The following PIK3C2A variants were observed in gnomAD, a reference collection of about 807,000 sequenced individuals.
PIK3C2A encodes the protein phosphatidylinositol-4-phosphate 3-kinase catalytic subunit type 2 alpha.
PIK3C2A carries 97 observed loss-of-function variants against 204.5 expected under a neutral mutation model. The ratio of observed to expected loss-of-function variants is 0.47; its 90% CI spans 0.40 to 0.56. The LOEUF (loss-of-function observed/expected upper bound fraction) is 0.56, where lower values mean the gene tolerates loss of function less well. Ranked by LOEUF, PIK3C2A falls within the 20% of genes least tolerant of loss-of-function variation. The pLI, the probability that PIK3C2A is intolerant of heterozygous loss-of-function variation, is 0.00. For synonymous variants in PIK3C2A, 653 were observed against 664.4 expected, an observed-to-expected ratio of 0.98 and a Z score of 0.26; for missense variants, 1,735 against 1,969.2, an observed-to-expected ratio of 0.88 and a Z score of 2.25.
chr11:17,099,717 C>A, intron 26 of PIK3C2A, 143 bp downstream of exon 26: 1 of 469,688 alleles, frequency 2.1e-6, no homozygotes, highest in Non-Finnish European at 3.8e-6. Context: ...CAACTTTTGA[C>A]AGCCTACTAT....
chr11:17,135,271 C>T (rs1252718163), intron 9 of PIK3C2A, 112 bp from the exon 10 acceptor site: 1 of 951,708 alleles, frequency 1.1e-6, no homozygotes, highest in African/African-American at 1.6e-5. Context: ...CAAGTATCTA[C>T]AGAATTAATA....
intron 1 of PIK3C2A, among the ~76,000 whole-genome samples, chr11:17,205,625 T>C (rs1171978600): frequency 1.3e-5 from 2 of 152,314 alleles, no homozygotes; most frequent in South Asian, 2.1e-4. Flanking sequence ...AGTTCACTTA[T>C]TGAATGTGCT....
At chr11:17,134,792 T>C (rs758009472) in intron 11 of PIK3C2A, 27 bp downstream of exon 11, 2 of 1,529,026 alleles carry the variant, frequency 1.3e-6, no homozygotes, top group Non-Finnish European at 1.8e-6. Context: ...CAAGCCACCA[T>C]GCCTGGCTGC....
chr11:17,156,221 G>A (rs1447491418), intron 2 of PIK3C2A, among the ~76,000 whole-genome samples: 1 of 152,116 alleles, frequency 6.6e-6, no homozygotes, highest in African/African-American at 2.4e-5. Flanking sequence ...TCCATTGAGA[G>A]TGTTTTGACA....
chr11:17,196,833 G>A (rs1325626509), intron 1 of PIK3C2A, among the ~76,000 whole-genome samples: 5 of 152,182 alleles, frequency 3.3e-5, no homozygotes, highest in African/African-American at 1.2e-4. Flanking sequence ...GCCTCCCAAA[G>A]TGCTGGGATT....
chr11:17,171,027 C>T (rs1023345542), intron 1 of PIK3C2A, among the ~76,000 whole-genome samples: 2 of 151,964 alleles, frequency 1.3e-5, no homozygotes, highest in Non-Finnish European at 2.9e-5. Flanking sequence ...GGCATGAACC[C>T]GGGAGGCGGA....
intron 23 of PIK3C2A, among the ~76,000 whole-genome samples, chr11:17,103,425 A>C (rs1009695778): frequency 6.6e-6 from 1 of 152,122 alleles, no homozygotes; most frequent in Admixed American, 6.5e-5. Flanking sequence ...GTTTTTCTTT[A>C]ATCTAAAGCA....
chr11:17,103,276 T>G (rs1265988570), intron 23 of PIK3C2A, among the ~76,000 whole-genome samples: 1 of 152,070 alleles, frequency 6.6e-6, no homozygotes, highest in Non-Finnish European at 1.5e-5. Context: ...TCTGAAAACA[T>G]CCAAGAATAC....
intron 9 of PIK3C2A, among the ~76,000 whole-genome samples, chr11:17,135,512 T>C (rs1849840640): frequency 6.6e-6 from 1 of 152,178 alleles, no homozygotes; most frequent in Non-Finnish European, 1.5e-5. Context: ...TAGAACTGTA[T>C]TTATTACCAC....
chr11:17,162,202 T>C (rs1261760278), intron 2 of PIK3C2A, among the ~76,000 whole-genome samples: 1 of 151,904 alleles, frequency 6.6e-6, no homozygotes, highest in Non-Finnish European at 1.5e-5. Context: ...CCGGGTGTGG[T>C]GGCAGGTGCC....
intron 32 of PIK3C2A, 135 bp from the exon 33 acceptor site, chr11:17,090,055 TA>T: frequency 1.5e-6 from 1 of 651,730 alleles, no homozygotes; most frequent in Non-Finnish European, 2.7e-6. Context: ...ACACATCCGG[TA>T]GGTTTTGTCT....
intron 23 of PIK3C2A, among the ~76,000 whole-genome samples, chr11:17,103,033 C>T (rs1333085126): frequency 6.6e-6 from 1 of 151,924 alleles, no homozygotes; most frequent in Non-Finnish European, 1.5e-5. Flanking sequence ...GTGGTTACTG[C>T]CCCTTCTCTA....
chr11:17,149,356 A>G (rs1850354980), intron 4 of PIK3C2A, among the ~76,000 whole-genome samples: 1 of 152,074 alleles, frequency 6.6e-6, no homozygotes, highest in South Asian at 2.1e-4. Context: ...TAAAAATTAA[A>G]CTAAAAATAA....
At position 17,122,319 on chromosome 11, in the gene PIK3C2A, A is replaced by G. The variant is rs1849391490; in HGVS notation, c.2526T>C (p.Ser842=). 2 of 1,546,540 alleles carry G rather than the reference A, an allele frequency of 1.3e-6. No homozygotes were observed. Among genetic ancestry groups the G allele is most frequent in the East Asian group, 2.3e-5 (1 of 44,170 alleles). The change falls in exon 15 of 33, where the codon TCT becomes TCC. Residue 842 remains serine, a synonymous_variant. Coordinates refer to ENST00000691414, the MANE Select transcript of PIK3C2A (RefSeq NM_002645.4). The part of the protein sequence containing the change: ...ERIVLQVDFP[S]PAFDIIYTTP... ...TTGTATAAATAATATCAAATGCAGG[A>G]GAAGGAAAATCAACCTTTAAAATTT...
chr11:17,195,013 T>C (rs1852099182), intron 1 of PIK3C2A, among the ~76,000 whole-genome samples: 1 of 152,242 alleles, frequency 6.6e-6, no homozygotes, highest in South Asian at 2.1e-4. Flanking sequence ...ACGTTAAGTA[T>C]GCAGTCACAT....
rs182258268 is a variant in PIK3C2A, at chr11:17,112,881, G to T, written c.3322-215C>A. On this transcript the variant is annotated intron_variant, in intron 20 of 32. Transcript: ENST00000691414. ...GCTTCCCACAACCTCTAACTCCTGGGCTCAAGTGATCCTCCTGCCTCAGCC... is the reference window on the plus strand; with the variant it reads ...GCTTCCCACAACCTCTAACTCCTGGTCTCAAGTGATCCTCCTGCCTCAGCC... 6.6e-4 allele frequency among the ~76,000 whole-genome samples: 100 copies of T among 151,294 alleles called. 1 individual carries two copies. The East Asian group carries it at 0.019, about 29-fold the overall frequency.
chr11:17,145,785 T>C (rs1850224346), intron 7 of PIK3C2A, 54 bp from the exon 8 acceptor site: 1 of 1,553,342 alleles, frequency 6.4e-7, no homozygotes, highest in Non-Finnish European at 8.9e-7. Flanking sequence ...AAAATGATTG[T>C]TTTCATCACC....
In PIK3C2A at chr11:17,185,778, G is replaced by A. The variant is rs566413164; in HGVS notation, c.-65-15972C>T. On this transcript the variant is annotated intron_variant, in intron 1 of 32. Coordinates refer to ENST00000691414, the MANE Select transcript of PIK3C2A (RefSeq NM_002645.4). Reference sequence around the variant, plus strand: ...TCATTACGTTCTCAATACCATCCTAGACCAATTAATCATCATCTCTTGTTC... The same window carrying A: ...TCATTACGTTCTCAATACCATCCTAAACCAATTAATCATCATCTCTTGTTC... 7.1e-4 allele frequency among the ~76,000 whole-genome samples: 108 copies of A among 152,110 alleles called. 1 individual carries two copies. The South Asian group carries it at 0.021, about 30-fold the overall frequency.
In PIK3C2A at chr11:17,179,534, C is replaced by T. The variant is rs537895570; in HGVS notation, c.-65-9728G>A. On this transcript the variant is annotated intron_variant, in intron 1 of 32. Coordinates refer to ENST00000691414, the MANE Select transcript of PIK3C2A (RefSeq NM_002645.4). ...TTTAAAGTACATACTTTCTAATTAC[C>T]TTAATATTCTAGATTTAGAAAACTT... 7.9e-5 allele frequency among the ~76,000 whole-genome samples: 12 copies of T among 152,132 alleles called. No homozygotes were observed. The South Asian group carries it at 2.3e-3, about 29-fold the overall frequency.
Sources: allele counts gnomAD v4.1 joint callset (sites outside exome capture counted in the v4.1 genomes callset), GRCh38; gene constraint gnomAD v4.1.1; transcripts MANE v1.5; gene names NCBI Gene and HGNC (gene_info 2026-07-23, HGNC 2026-07-21).